The following HYDIN variants were observed in gnomAD, a reference collection of about 807,000 sequenced individuals.
The protein encoded by HYDIN is HYDIN axonemal central pair apparatus protein.
HYDIN carries 132 observed loss-of-function variants against 403.9 expected under a neutral mutation model. That is an observed-to-expected ratio of 0.33 (90% CI 0.28 to 0.38). The LOEUF is 0.38. Among genes scored for constraint, HYDIN ranks in the 10% least tolerant of loss-of-function variants. The pLI is 1.00. For missense variants in HYDIN, 2,827 were observed against 5,009.5 expected (o/e 0.56, Z 13.15); for synonymous variants, 1,202 against 1,891.7 (o/e 0.64, Z 9.46).
intron 9 of HYDIN, among the ~76,000 whole-genome samples, chr16:71,126,171 T>C (rs1389239233): frequency 4.6e-5 from 7 of 152,192 alleles, no homozygotes; most frequent in Non-Finnish European, 7.3e-5. Context: ...TGGTGGGAGA[T>C]GGCAGCCTGC....
chr16:71,106,629 C>T (rs2083626750), intron 10 of HYDIN, among the ~76,000 whole-genome samples: 1 of 152,080 alleles, frequency 6.6e-6, no homozygotes, highest in Non-Finnish European at 1.5e-5. Flanking sequence ...TCAGAGGCCT[C>T]CCTTATGACC....
intron 1 of HYDIN, among the ~76,000 whole-genome samples, chr16:71,192,440 G>C (rs186953337): frequency 1.1e-4 from 16 of 151,888 alleles, no homozygotes; most frequent in Admixed American, 7.9e-4. Flanking sequence ...GTTTCGTCCG[G>C]AACACTCTCC....
In HYDIN at chr16:70,975,235, A is replaced by G. The variant is rs2078854504; in HGVS notation, c.4673T>C (p.Leu1558Pro). ...TTCTAGGACATAGCTTTGGACTATA[A>G]GTCTTTCTACCTCCATCTGGAGATG... ...SAHLQMEVER[L>P]IVQSYVLEHQ... is the part of the protein sequence containing the mutation. Residue 1558 changes from leucine to proline, a missense_variant, in exon 31 of 86, where the codon CTT becomes CCT. Transcript: ENST00000393567. The G allele has an allele frequency of 8.1e-6, 4 of 492,836 alleles. No homozygotes were observed. Among genetic ancestry groups the G allele is most frequent in the Admixed American group, 4.0e-5 (1 of 24,888 alleles). 30.5% of individuals were successfully genotyped at this position (492,836 alleles called of 1,614,324 possible).
At position 71,137,780 on chromosome 16, in the gene HYDIN, G is replaced by C. The variant is rs550245271; in HGVS notation, c.842-428C>G. The stretch of plus-strand genomic sequence containing the variant: ...ATACTTAAGAAGAGCTGCTCAATAT[G>C]AGAGAATTTAAGTCCATTTGAGAAC... On this transcript the variant is annotated intron_variant, in intron 7 of 85. Coordinates refer to ENST00000393567, the MANE Select transcript of HYDIN (RefSeq NM_001270974.2). 3.3e-5 allele frequency among the ~76,000 whole-genome samples: 5 copies of C among 152,112 alleles called. No homozygotes were observed. In the South Asian group the frequency reaches 1.0e-3, roughly 32 times the overall value.
chr16:70,816,993 GA>G (rs1163345205), intron 84 of HYDIN: 3 of 134,824 alleles, frequency 2.2e-5, no homozygotes. Flanking sequence ...CAGAAAGGGA[GA>G]AAATGCCTGA....
At chr16:70,995,037 T>C (rs1418090035) in intron 23 of HYDIN, among the ~76,000 whole-genome samples, 1 of 151,964 alleles carries the variant, frequency 6.6e-6, no homozygotes, top group Non-Finnish European at 1.5e-5. Context: ...CAATGCTACC[T>C]GGACAATTGG....
At chr16:70,873,149 A>T (rs1236786725) in intron 64 of HYDIN, among the ~76,000 whole-genome samples, 1 of 34,312 alleles carries the variant, frequency 2.9e-5, no homozygotes, top group Non-Finnish European at 5.8e-5. Context: ...GTTTGGTGAG[A>T]AAATATTATA....
intron 76 of HYDIN, among the ~76,000 whole-genome samples, chr16:70,839,459 T>C (rs2037664425): frequency 6.8e-6 from 1 of 147,700 alleles, no homozygotes; most frequent in South Asian, 2.1e-4. Context: ...ACATTTTAAG[T>C]GCTCTGAAGC....
chr16:71,040,474 C>T (rs868642324), intron 18 of HYDIN, among the ~76,000 whole-genome samples: 3 of 146,090 alleles, frequency 2.1e-5, no homozygotes, highest in Admixed American at 2.0e-4. Flanking sequence ...ATGCACATAC[C>T]CCCCCTCCCC....
rs1429906704 is a variant in HYDIN, at chr16:70,820,191, T to TC, written c.14428-1620_14428-1619insG. Among the ~76,000 whole-genome samples, 791 of 126,566 alleles carry TC rather than the reference T, an allele frequency of 6.2e-3. 3 individuals carry two copies. The highest frequency in any genetic ancestry group is 0.016 in the South Asian group (56 of 3,586). The allele number at this position is 126,566 out of a possible 152,430, so 83.0% of individuals were successfully genotyped here. On this transcript the variant is annotated intron_variant, in intron 83 of 85. Transcript: ENST00000393567. ...AGTGATTTTTTTTTCTTTTTTCTTT[T>TC]TTTTTTTTTTTTTTTTTGAGATGGA...
chr16:71,219,339 G>T (rs1228445784), intron 1 of HYDIN, among the ~76,000 whole-genome samples: 1 of 151,984 alleles, frequency 6.6e-6, no homozygotes, highest in Non-Finnish European at 1.5e-5. Flanking sequence ...TTTATGCATT[G>T]CCAGTGAAAT....
At position 71,158,686 on chromosome 16, in the gene HYDIN, T is replaced by G. The variant is rs533863902; in HGVS notation, c.716+3845A>C. ...TTTCAATTGAAAAAGATGGTTTTTT[T>G]TTTTTTTTTTTTTGAGACATGGTTT... On this transcript the variant is annotated intron_variant, in intron 6 of 85. Coordinates refer to ENST00000393567, the MANE Select transcript of HYDIN (RefSeq NM_001270974.2). Among the ~76,000 whole-genome samples the G allele has an allele frequency of 3.2e-3, 481 of 149,998 alleles. 3 individuals are homozygous for G. The highest frequency in any genetic ancestry group is 5.5e-3 in the Non-Finnish European group (367 of 67,304).
chr16:71,110,440 AATAAT>A (rs1220076927), intron 10 of HYDIN, among the ~76,000 whole-genome samples: 139 of 141,964 alleles, frequency 9.8e-4, no homozygotes, highest in East Asian at 5.9e-4. Flanking sequence ...TAAATATATA[AATAAT>A]ATAATATATA....
At chr16:71,230,263 C>CGG (rs573708734) in intron 1 of HYDIN, among the ~76,000 whole-genome samples, 242 of 152,276 alleles carry the variant, frequency 1.6e-3, no homozygotes, top group Non-Finnish European at 2.7e-3. Context: ...CCCGGTAAGA[C>CGG]GGGAAATGAT....
chr16:71,069,205 C>A (rs1187410832), intron 14 of HYDIN, 62 bp downstream of exon 14: 4 of 1,479,324 alleles, frequency 2.7e-6, no homozygotes, highest in Non-Finnish European at 3.7e-6. Context: ...TAGATGAGGG[C>A]CCATGACTAT....
intron 8 of HYDIN, among the ~76,000 whole-genome samples, chr16:71,130,453 C>A: frequency 7.0e-6 from 1 of 143,530 alleles, no homozygotes; most frequent in African/African-American, 2.5e-5. Context: ...ACAAAGCTGG[C>A]AACTCCATAT....
chr16:71,067,316 C>T lies in HYDIN; in HGVS notation c.2049G>A (p.Glu683=). ...TTGCTGTAATTAAGAGCGCCAGCACCTCTTCTCCGATGCCCTCCACGTCCA... is the reference window on the plus strand; with the variant it reads ...TTGCTGTAATTAAGAGCGCCAGCACTTCTTCTCCGATGCCCTCCACGTCCA... ...LVVDVEGIGE[E]VLALLITARC... is the part of the protein sequence containing the mutation. The change falls in exon 15 of 86, where the codon GAG becomes GAA. Residue 683 remains glutamate, a synonymous_variant. Coordinates refer to ENST00000393567, the MANE Select transcript of HYDIN (RefSeq NM_001270974.2). 6.2e-7 allele frequency: 1 copy of T among 1,613,038 alleles called. No individual in the cohort carries two copies. Among genetic ancestry groups the T allele is most frequent in the Non-Finnish European group, 8.5e-7 (1 of 1,179,424 alleles).
intron 21 of HYDIN, among the ~76,000 whole-genome samples, chr16:71,024,923 C>G (rs2144136872): frequency 6.6e-6 from 1 of 152,326 alleles, no homozygotes; most frequent in African/African-American, 2.4e-5. Flanking sequence ...ATAACAGAAC[C>G]TGCTGCATAC....
At chr16:71,004,502 G>T (rs1382776432) in intron 23 of HYDIN, among the ~76,000 whole-genome samples, 1 of 152,056 alleles carries the variant, frequency 6.6e-6, no homozygotes, top group African/African-American at 2.4e-5. Context: ...CTTTAATGGG[G>T]TAGTATAGTA....
Sources: gnomAD v4.1 joint callset for allele counts (sites outside exome capture counted in the v4.1 genomes callset) on GRCh38, gnomAD v4.1.1 for gene constraint, MANE v1.5 for transcripts, NCBI Gene and HGNC (gene_info 2026-07-23, HGNC 2026-07-21) for gene names.